SCAF4: variants seen among roughly 807,000 people sequenced by gnomAD.
The protein encoded by SCAF4 is SR-related and CTD-associated factor 4.
Under a neutral mutation model 129.8 loss-of-function variants are expected in SCAF4, and 25 were observed. That is an observed-to-expected ratio of 0.19 (90% CI 0.14 to 0.27). SCAF4 has a LOEUF of 0.27. Among genes scored for constraint, SCAF4 ranks in the 10% least tolerant of loss-of-function variants. SCAF4 has a pLI of 1.00. For missense variants in SCAF4, 1,246 were observed against 1,457.1 expected (o/e 0.86, Z 2.36); for synonymous variants, 551 against 497.7 (o/e 1.11, Z -1.43).
At chr21:31,672,827 C>A (rs573779635) in intron 19 of SCAF4, among the ~76,000 whole-genome samples, 1 of 152,270 alleles carries the variant, frequency 6.6e-6, no homozygotes, top group Non-Finnish European at 1.5e-5. Context: ...CCTAGAAAAC[C>A]CAGGAAAGAG....
At chr21:31,721,078 AAC>A (rs2051055126) in intron 1 of SCAF4, among the ~76,000 whole-genome samples, 1 of 152,206 alleles carries the variant, frequency 6.6e-6, no homozygotes, top group South Asian at 2.1e-4. Context: ...TGCACCCATC[AAC>A]ACTTTATAGA....
At chr21:31,701,643 T>G in intron 6 of SCAF4, 133 bp downstream of exon 6, 2 of 918,736 alleles carry the variant, frequency 2.2e-6, no homozygotes, top group Non-Finnish European at 3.1e-6. Context: ...TTACTTCTCT[T>G]GTGAAGGCTT....
intron 1 of SCAF4, among the ~76,000 whole-genome samples, chr21:31,717,842 T>TATATACAC (rs547466352): frequency 6.1e-5 from 7 of 114,384 alleles, no homozygotes; most frequent in Admixed American, 1.0e-4. Context: ...TATATATATA[T>TATATACAC]ACACACACAC....
At position 31,705,472 on chromosome 21, in the gene SCAF4, AAAGAATT is replaced by A. The variant is rs1342454339; in HGVS notation, c.115-12_115-6del. ...TTGAACTACATGCTTATAAAGCTGA[AAAGAATT>A]AAGAGAAAATTACTGTTCAGTTTAC... On this transcript the variant is annotated splice_polypyrimidine_tract_variant and splice_region_variant and intron_variant, in intron 2 of 19. Transcript: ENST00000286835. The A allele has an allele frequency of 7.8e-7, 1 of 1,282,006 alleles. No individual in the cohort carries two copies. The highest frequency in any genetic ancestry group is 1.1e-6 in the Non-Finnish European group (1 of 920,000). The allele number at this position is 1,282,006 out of a possible 1,614,324, so 79.4% of individuals were successfully genotyped here.
chr21:31,706,683 A>G, intron 1 of SCAF4: 1 of 290,706 alleles, frequency 3.4e-6, no homozygotes, highest in Non-Finnish European at 6.5e-6. Context: ...GGCTGAAAAA[A>G]GGCAGCAGAA....
At chr21:31,717,904 TACACACAC>T (rs35191665) in intron 1 of SCAF4, among the ~76,000 whole-genome samples, 1,860 of 117,958 alleles carry the variant, frequency 0.016, 32 homozygotes, top group Middle Eastern at 0.063. Flanking sequence ...TACACATATA[TACACACAC>T]ACACACACAC....
intron 13 of SCAF4, 60 bp from the exon 14 acceptor site, chr21:31,691,990 A>C: frequency 1.2e-6 from 1 of 851,280 alleles, no homozygotes; most frequent in Non-Finnish European, 1.9e-6. Flanking sequence ...ACAAGATACA[A>C]CACCAAGTAA....
chr21:31,717,904 T>TAC (rs35191665), intron 1 of SCAF4, among the ~76,000 whole-genome samples: 10,513 of 117,716 alleles, frequency 0.089, 436 homozygotes, highest in Non-Finnish European at 0.11. Context: ...TACACATATA[T>TAC]ACACACACAC....
chr21:31,677,895 T>C (rs2049898908), intron 19 of SCAF4, among the ~76,000 whole-genome samples: 1 of 152,188 alleles, frequency 6.6e-6, no homozygotes, highest in African/African-American at 2.4e-5. Flanking sequence ...AAAATGAAGA[T>C]AACCCTGAGG....
At chr21:31,709,191 T>TGG (rs1341860246) in intron 1 of SCAF4, among the ~76,000 whole-genome samples, 2 of 151,516 alleles carry the variant, frequency 1.3e-5, no homozygotes, top group Non-Finnish European at 2.9e-5. Flanking sequence ...ACTGTGGGGG[T>TGG]GGGGGGGAGC....
chr21:31,717,806 A>G (rs534042643), intron 1 of SCAF4, among the ~76,000 whole-genome samples: 3 of 147,884 alleles, frequency 2.0e-5, no homozygotes, highest in Non-Finnish European at 4.4e-5. Context: ...AAAAAAAAAA[A>G]ATTTTTGGGA....
intron 1 of SCAF4, among the ~76,000 whole-genome samples, chr21:31,712,606 G>A (rs1446547488): frequency 1.4e-5 from 2 of 143,526 alleles, no homozygotes; most frequent in East Asian, 4.1e-4. Context: ...TCGGCTCACT[G>A]CAACCTCCGC....
intron 19 of SCAF4, among the ~76,000 whole-genome samples, chr21:31,677,586 C>A (rs2049891187): frequency 6.6e-6 from 1 of 152,204 alleles, no homozygotes; most frequent in Non-Finnish European, 1.5e-5. Flanking sequence ...CTAAATCCAG[C>A]TGCCAAGTCG....
chr21:31,681,333 AAC>A (rs774512222), intron 19 of SCAF4, among the ~76,000 whole-genome samples: 5 of 152,252 alleles, frequency 3.3e-5, no homozygotes, highest in Admixed American at 1.3e-4. Context: ...ATATACTGGT[AAC>A]ACAGTACAGA....
intron 2 of SCAF4, 24 bp downstream of exon 2, chr21:31,706,250 C>T: frequency 6.9e-7 from 1 of 1,441,076 alleles, no homozygotes; most frequent in Non-Finnish European, 9.6e-7. Flanking sequence ...AAAGATTTCT[C>T]AAATTGCTTT....
intron 1 of SCAF4, among the ~76,000 whole-genome samples, chr21:31,715,245 C>A (rs1259942390): frequency 6.6e-6 from 1 of 151,862 alleles, no homozygotes; most frequent in Non-Finnish European, 1.5e-5. Flanking sequence ...AGTATAGCAT[C>A]TTCTCCTTCT....
Position 31,696,580 on chromosome 21 carries a change from T to C in SCAF4, c.948A>G (p.Pro316=). 2 of 1,580,994 alleles carry C rather than the reference T, an allele frequency of 1.3e-6. No homozygotes were observed. Among genetic ancestry groups the C allele is most frequent in the Non-Finnish European group, 8.6e-7 (1 of 1,168,308 alleles). ...AAPAAASPPP[P]QAPFGFPGDG... ...AAAAAAAAACTAACAATGGTGCCTG[T>C]GGAGGAGGAGGAGAGGCAGCAGCGG... Residue 316 remains proline, a synonymous_variant, in exon 8 of 20, where the codon CCA becomes CCG. Coordinates refer to ENST00000286835, the MANE Select transcript of SCAF4 (RefSeq NM_020706.2).
intron 8 of SCAF4, 128 bp downstream of exon 8, chr21:31,696,441 A>C: frequency 9.5e-7 from 1 of 1,048,336 alleles, no homozygotes; most frequent in Non-Finnish European, 1.3e-6. Context: ...ATTCAAGAGA[A>C]AACTAATACC....
chr21:31,691,536 C>T (rs560397168), intron 14 of SCAF4, among the ~76,000 whole-genome samples: 51 of 152,182 alleles, frequency 3.4e-4, no homozygotes, highest in Admixed American at 1.2e-3. Flanking sequence ...TGCTAAAAGA[C>T]ATTATATTTA....
Sources: allele counts gnomAD v4.1 joint callset (sites outside exome capture counted in the v4.1 genomes callset), GRCh38; gene constraint gnomAD v4.1.1; transcripts MANE v1.5; gene names NCBI Gene and HGNC (gene_info 2026-07-23, HGNC 2026-07-21).